Variants in ZEB2 observed in about 807,000 individuals in gnomAD.
The protein encoded by ZEB2 is zinc finger E-box-binding homeobox 2.
ZEB2 carries 6 observed loss-of-function variants against 99.9 expected under a neutral mutation model. The observed-to-expected ratio is 0.06, with a 90% CI of 0.03 to 0.12. ZEB2 has a LOEUF of 0.12. Ranked by LOEUF, ZEB2 falls within the 10% of genes least tolerant of loss-of-function variation. ZEB2 has a pLI of 1.00. For synonymous variants in ZEB2, 517 were observed against 542.5 expected (o/e 0.95, Z 0.65); for missense variants, 969 against 1,502.8 (o/e 0.64, Z 5.87).
At chr2:144,400,393 G>T (rs1703294528) in intron 7 of ZEB2, 123 bp from the exon 8 acceptor site, 2 of 1,055,144 alleles carry the variant, frequency 1.9e-6, no homozygotes, top group Non-Finnish European at 2.8e-6. Context: ...CTACATTCTA[G>T]GTACTTAGAT....
At chr2:144,401,410 G>T in intron 6 of ZEB2, 103 bp from the exon 7 acceptor site, 1 of 1,039,642 alleles carries the variant, frequency 9.6e-7, no homozygotes, top group African/African-American at 1.6e-5. Flanking sequence ...AGGCCAAAAG[G>T]TTTGAGTGCA....
intron 2 of ZEB2, among the ~76,000 whole-genome samples, chr2:144,510,599 A>T (rs2149930185): frequency 6.6e-6 from 1 of 152,206 alleles, no homozygotes; most frequent in East Asian, 1.9e-4. Context: ...GGCCTGGTGG[A>T]GCATCAGCTA....
intron 2 of ZEB2, among the ~76,000 whole-genome samples, chr2:144,441,990 G>A (rs1703924217): frequency 6.6e-6 from 1 of 152,138 alleles, no homozygotes; most frequent in Non-Finnish European, 1.5e-5. Context: ...CTTATCAGAA[G>A]CCCTGGGCAG....
At chr2:144,455,637 A>G (rs1704112177) in intron 2 of ZEB2, among the ~76,000 whole-genome samples, 2 of 152,170 alleles carry the variant, frequency 1.3e-5, no homozygotes, top group South Asian at 2.1e-4. Flanking sequence ...CTATGTAAAC[A>G]CTATTTGTGC....
chr2:144,488,021 C>T (rs546140936), intron 2 of ZEB2, among the ~76,000 whole-genome samples: 1 of 152,176 alleles, frequency 6.6e-6, no homozygotes, highest in Non-Finnish European at 1.5e-5. Context: ...GCTGCTGTCT[C>T]CATGAACGGG....
At position 144,414,657 on chromosome 2, in the gene ZEB2, C is replaced by A. The variant is rs116475042; in HGVS notation, c.404-9633G>T. Among the ~76,000 whole-genome samples the A allele has an allele frequency of 1.2e-3, 177 of 152,272 alleles. 2 individuals carry two copies. Among genetic ancestry groups the A allele is most frequent in the African/African-American group, 4.1e-3 (169 of 41,544 alleles). ...GGTACAGTGAGGTTAGTGATTCATA[C>A]AAAGTTGCACAAGTAATTTCTGGAA... On this transcript the variant is annotated intron_variant, in intron 4 of 9. Coordinates refer to ENST00000627532, the MANE Select transcript of ZEB2 (RefSeq NM_014795.4).
intron 6 of ZEB2, among the ~76,000 whole-genome samples, chr2:144,401,854 A>G (rs1446708039): frequency 2.0e-5 from 3 of 152,204 alleles, no homozygotes; most frequent in Non-Finnish European, 4.4e-5. Flanking sequence ...AAACAAAAAA[A>G]CCTTGACTAT....
intron 4 of ZEB2, among the ~76,000 whole-genome samples, chr2:144,420,031 T>A (rs997848394): frequency 3.3e-5 from 5 of 152,150 alleles, no homozygotes; most frequent in Non-Finnish European, 7.3e-5. Flanking sequence ...ACAGAGAATG[T>A]TTTCCCCTAC....
Position 144,387,254 on chromosome 2 carries a change from G to GA in ZEB2, c.*2196dup, listed in dbSNP as rs1226310058. On this transcript the variant is annotated 3_prime_UTR_variant, in exon 10 of 10. Transcript: ENST00000627532. ...GCTTTTCTTCTTTGATTCTAAAGTA[G>GA]AAAAAATACATGGACAGCTACTATA... 2.0e-5 allele frequency: 3 copies of GA among 151,796 alleles called. No homozygotes were observed. Among genetic ancestry groups the GA allele is most frequent in the African/African-American group, 4.8e-5 (2 of 41,358 alleles). 9.4% of individuals were successfully genotyped at this position (151,796 alleles called of 1,614,324 possible).
At chr2:144,510,795 T>C (rs1020303755) in intron 2 of ZEB2, among the ~76,000 whole-genome samples, 2 of 151,998 alleles carry the variant, frequency 1.3e-5, no homozygotes, top group Admixed American at 1.3e-4. Context: ...AAGGGCTGAA[T>C]TGTGATTAAG....
At chr2:144,417,688 A>G (rs1014354168) in intron 4 of ZEB2, among the ~76,000 whole-genome samples, 1 of 152,194 alleles carries the variant, frequency 6.6e-6, no homozygotes, top group African/African-American at 2.4e-5. Flanking sequence ...TGAGGAGAGT[A>G]GGGGGAAGGG....
At chr2:144,441,207 G>GAGAGAGAGAGAA (rs1434340753) in intron 2 of ZEB2, among the ~76,000 whole-genome samples, 1 of 148,650 alleles carries the variant, frequency 6.7e-6, no homozygotes, top group South Asian at 2.1e-4. Context: ...GAGAGAGAGA[G>GAGAGAGAGAGAA]AACCTCATGC....
intron 2 of ZEB2, chr2:144,516,156 C>G (rs924605941): frequency 6.6e-6 from 1 of 152,058 alleles, no homozygotes; most frequent in African/African-American, 2.4e-5. Context: ...GGCGCTCGTT[C>G]GCTTGTTTGT....
intron 2 of ZEB2, among the ~76,000 whole-genome samples, chr2:144,480,269 C>G (rs1001299722): frequency 6.6e-6 from 1 of 152,042 alleles, no homozygotes; most frequent in Admixed American, 6.6e-5. Context: ...GGGAGAAATT[C>G]CCCAGGTAAA....
chr2:144,500,243 C>T lies in ZEB2; in HGVS notation c.73+17035G>A, dbSNP rs1308465850. On this transcript the variant is annotated intron_variant, in intron 2 of 9. Coordinates refer to ENST00000627532, the MANE Select transcript of ZEB2 (RefSeq NM_014795.4). Reference sequence around the variant, plus strand: ...GGCAAGACATCTTAGGCAGCGCGACCGCATTTAATCACAATTTTAATTAAC... The same window carrying T: ...GGCAAGACATCTTAGGCAGCGCGACTGCATTTAATCACAATTTTAATTAAC... Among the ~76,000 whole-genome samples, 4 of 151,998 alleles carry T rather than the reference C, an allele frequency of 2.6e-5. No homozygotes were observed. The East Asian group carries it at 5.8e-4, about 22-fold the overall frequency.
At chr2:144,487,959 A>G (rs1704622269) in intron 2 of ZEB2, among the ~76,000 whole-genome samples, 1 of 152,224 alleles carries the variant, frequency 6.6e-6, no homozygotes, top group South Asian at 2.1e-4. Flanking sequence ...ATCAAAAAGC[A>G]AAACACCTGA....
At chr2:144,460,621 T>G (rs1310545599) in intron 2 of ZEB2, among the ~76,000 whole-genome samples, 1 of 150,802 alleles carries the variant, frequency 6.6e-6, no homozygotes, top group East Asian at 1.9e-4. Flanking sequence ...GAGAGCACTG[T>G]TTTTTTTTAA....
At chr2:144,432,697 A>G (rs1471604605) in intron 2 of ZEB2, among the ~76,000 whole-genome samples, 1 of 152,172 alleles carries the variant, frequency 6.6e-6, no homozygotes, top group Non-Finnish European at 1.5e-5. Flanking sequence ...AGAATGGCCA[A>G]TACTTGATGG....
chr2:144,500,966 C>T lies in ZEB2; in HGVS notation c.73+16312G>A, dbSNP rs1396574815. On this transcript the variant is annotated intron_variant, in intron 2 of 9. Transcript: ENST00000627532. ...ATGATACAATAAGATCACATTCATG[C>T]TCCTGGCTTGCAGATACAGATCATT... 3.9e-5 allele frequency among the ~76,000 whole-genome samples: 6 copies of T among 152,152 alleles called. No homozygotes were observed. In the East Asian group the frequency reaches 9.6e-4, roughly 24 times the overall value.
Sources: allele counts gnomAD v4.1 joint callset (sites outside exome capture counted in the v4.1 genomes callset), GRCh38; gene constraint gnomAD v4.1.1; transcripts MANE v1.5; gene names NCBI Gene and HGNC (gene_info 2026-07-23, HGNC 2026-07-21).